Variants in MSANTD2 observed in about 807,000 individuals in gnomAD.
MSANTD2 encodes myb/SANT-like DNA-binding domain-containing protein 2.
Under a neutral mutation model 52.6 loss-of-function variants are expected in MSANTD2, and 19 were observed. The ratio of observed to expected loss-of-function variants is 0.36; its 90% CI spans 0.25 to 0.53. MSANTD2 has a LOEUF of 0.53. Ranked by LOEUF, MSANTD2 falls within the 20% of genes least tolerant of loss-of-function variation. The probability of loss-of-function intolerance (pLI) is 0.91; values close to 1 mark genes in which losing one functional copy is unlikely to be tolerated. For synonymous variants in MSANTD2, 291 were observed against 289.7 expected, an observed-to-expected ratio of 1.00 and a Z score of -0.04; for missense variants, 558 against 716.3, an observed-to-expected ratio of 0.78 and a Z score of 2.52.
chr11:124,772,609 C>T (rs1287361544), intron 3 of MSANTD2, among the ~76,000 whole-genome samples: 3 of 151,884 alleles, frequency 2.0e-5, no homozygotes, highest in East Asian at 1.9e-4. Context: ...TGGTGGCGGG[C>T]GCCTGTAGTC....
chr11:124,778,918 G>A (rs1429507390), intron 1 of MSANTD2: 1 of 152,128 alleles, frequency 6.6e-6, no homozygotes, highest in Non-Finnish European at 1.5e-5. Flanking sequence ...TGGCAGGATT[G>A]GGGGTTTAAC....
chr11:124,773,196 A>C (rs1377196179), intron 2 of MSANTD2, 142 bp from the exon 3 acceptor site: 1 of 576,930 alleles, frequency 1.7e-6, no homozygotes, highest in Non-Finnish European at 3.1e-6. Flanking sequence ...GTCCAATGTC[A>C]GATTTATAAA....
At chr11:124,775,204 C>A in intron 1 of MSANTD2, 1 of 457,804 alleles carries the variant, frequency 2.2e-6, no homozygotes, top group South Asian at 3.0e-5. Flanking sequence ...ATCCATTAAA[C>A]AACAAGAAAC....
At chr11:124,784,163 A>C in intron 1 of MSANTD2, 21 of 985,368 alleles carry the variant, frequency 2.1e-5, no homozygotes, top group Non-Finnish European at 2.5e-5. Flanking sequence ...AAGGGAAAAA[A>C]AAAAAATCAG....
chr11:124,788,063 C>A (rs1945215495), intron 1 of MSANTD2, among the ~76,000 whole-genome samples: 1 of 138,270 alleles, frequency 7.2e-6, no homozygotes. Context: ...GCTTGGGCAA[C>A]AGAGCAAGAC....
chr11:124,785,543 A>G (rs1036691858), intron 1 of MSANTD2, among the ~76,000 whole-genome samples: 7 of 152,182 alleles, frequency 4.6e-5, no homozygotes, highest in African/African-American at 1.7e-4. Context: ...GCAAGGTTGG[A>G]CCTTGGTATT....
intron 2 of MSANTD2, chr11:124,773,288 A>T (rs1944609584): frequency 3.1e-6 from 1 of 324,922 alleles, no homozygotes; most frequent in South Asian, 6.8e-5. Context: ...CTTCAAGGTC[A>T]CCAGTGGATT....
At chr11:124,769,960 C>T (rs1944440934) in intron 3 of MSANTD2, among the ~76,000 whole-genome samples, 1 of 152,190 alleles carries the variant, frequency 6.6e-6, no homozygotes. Context: ...AGTTTCCTGC[C>T]CTGCTGATAT....
chr11:124,784,111 T>C (rs534997556), intron 1 of MSANTD2: 486 of 984,484 alleles, frequency 4.9e-4, no homozygotes, highest in Middle Eastern at 5.2e-4. Flanking sequence ...TCACCAAAGA[T>C]AGCAGATAAC....
intron 1 of MSANTD2, chr11:124,790,524 T>C (rs1219190627): frequency 6.6e-6 from 1 of 152,252 alleles, no homozygotes. Context: ...TTTTGATGTA[T>C]ATGAAATTTA....
At chr11:124,793,918 A>G (rs1474387278) in intron 1 of MSANTD2, among the ~76,000 whole-genome samples, 1 of 152,194 alleles carries the variant, frequency 6.6e-6, no homozygotes, top group East Asian at 1.9e-4. Context: ...TCCTTTTACA[A>G]AGATGAATTT....
Position 124,767,163 on chromosome 11 carries a change from T to C in MSANTD2, c.*13A>G, listed in dbSNP as rs1346883994. ...AAGGAGCTAAGAGCCCAAATCCTTATGAAGGATGACATTCAGTTGTTAAAT... is the reference window on the plus strand; with the variant it reads ...AAGGAGCTAAGAGCCCAAATCCTTACGAAGGATGACATTCAGTTGTTAAAT... On this transcript the variant is annotated 3_prime_UTR_variant, in exon 4 of 4. Transcript: ENST00000374979. This position sits in a 1 kb window ranked among gnomAD's most constrained non-coding sequence, Gnocchi z 6.5. The C allele has an allele frequency of 3.8e-6, 6 of 1,577,374 alleles. No homozygotes were observed. The highest frequency in any genetic ancestry group is 2.2e-5 in the East Asian group (1 of 44,722).
intron 1 of MSANTD2, among the ~76,000 whole-genome samples, chr11:124,785,200 AC>A (rs1945118705): frequency 6.6e-6 from 1 of 152,208 alleles, no homozygotes; most frequent in South Asian, 2.1e-4. Flanking sequence ...CAAAAACCAA[AC>A]ATTTTCCTTA....
intron 3 of MSANTD2, 90 bp downstream of exon 3, chr11:124,772,904 T>G (rs1944591113): frequency 1.2e-6 from 1 of 851,418 alleles, no homozygotes; most frequent in African/African-American, 1.7e-5. Flanking sequence ...GGCCGGAACT[T>G]TCATAATATG....
intron 1 of MSANTD2, chr11:124,790,886 T>C (rs898428455): frequency 9.0e-6 from 2 of 222,948 alleles, no homozygotes; most frequent in Admixed American, 5.4e-5. Context: ...GGGACAGATG[T>C]TGCAAATTAA....
chr11:124,774,702 T>C lies in MSANTD2; in HGVS notation c.766+17A>G. Reference sequence around the variant, plus strand: ...AATATACACAAACATAAGTATCATATATGTTGGCTTTCTTACCCAATTCCT... The same window carrying C: ...AATATACACAAACATAAGTATCATACATGTTGGCTTTCTTACCCAATTCCT... On this transcript the variant is annotated intron_variant, in intron 2 of 3. Transcript: ENST00000374979. This position sits in a 1 kb window ranked among gnomAD's most constrained non-coding sequence, Gnocchi z 5.1. The C allele has an allele frequency of 6.2e-7, 1 of 1,612,222 alleles. No individual in the cohort carries two copies. Among genetic ancestry groups the C allele is most frequent in the Non-Finnish European group, 8.5e-7 (1 of 1,178,822 alleles).
intron 1 of MSANTD2, among the ~76,000 whole-genome samples, chr11:124,794,756 T>C (rs145326789): frequency 4.3e-4 from 65 of 152,334 alleles, no homozygotes; most frequent in African/African-American, 1.5e-3. Flanking sequence ...ATATGGTGAT[T>C]TTCCTGTTAG....
chr11:124,794,716 T>C (rs1945438211), intron 1 of MSANTD2, among the ~76,000 whole-genome samples: 1 of 152,176 alleles, frequency 6.6e-6, no homozygotes, highest in Admixed American at 6.5e-5. Flanking sequence ...TTGCAAGGCT[T>C]CAGAGCTAAA....
At chr11:124,791,358 C>G in intron 1 of MSANTD2, 1 of 1,382,898 alleles carries the variant, frequency 7.2e-7, no homozygotes, top group South Asian at 1.2e-5. Context: ...CGTGAATGTG[C>G]AAGACAAACA....
Sources: gnomAD v4.1 joint callset for allele counts (sites outside exome capture counted in the v4.1 genomes callset) on GRCh38, gnomAD v4.1.1 for gene constraint, Gnocchi (gnomAD v3.1) non-coding constraint, MANE v1.5 for transcripts, NCBI Gene and HGNC (gene_info 2026-07-23, HGNC 2026-07-21) for gene names.